The following APPL1 variants were observed in gnomAD, a reference collection of about 807,000 sequenced individuals.
APPL1 encodes the protein adaptor protein, phosphotyrosine interacting with PH domain and leucine zipper 1.
Under a neutral mutation model 106.8 loss-of-function variants are expected in APPL1, and 42 were observed. The ratio of observed to expected loss-of-function variants is 0.39; its 90% CI spans 0.31 to 0.51. APPL1 has a LOEUF of 0.51. Ranked by LOEUF, APPL1 falls within the 20% of genes least tolerant of loss-of-function variation. The probability of loss-of-function intolerance (pLI) is 0.75; values close to 1 mark genes in which losing one functional copy is unlikely to be tolerated. For synonymous variants in APPL1, 263 were observed against 281.8 expected (o/e 0.93, Z 0.67); for missense variants, 769 against 858.2 (o/e 0.90, Z 1.30).
intron 15 of APPL1, chr3:57,258,789 TG>T (rs2060850340): frequency 2.7e-6 from 1 of 366,342 alleles, no homozygotes; most frequent in Non-Finnish European, 4.9e-6. Context: ...TTTTTTGTTG[TG>T]TATGTCTAAA....
At chr3:57,252,641 T>C (rs2107605100) in intron 12 of APPL1, among the ~76,000 whole-genome samples, 2 of 152,234 alleles carry the variant, frequency 1.3e-5, no homozygotes, top group South Asian at 2.1e-4. Context: ...CACCAATCCT[T>C]TGAGACACTA....
chr3:57,245,639 G>A (rs1204321338), intron 7 of APPL1, among the ~76,000 whole-genome samples: 2 of 151,644 alleles, frequency 1.3e-5, no homozygotes, highest in South Asian at 2.1e-4. Flanking sequence ...CCCTCCCAGG[G>A]TGAAGCTATT....
At chr3:57,249,636 G>A in intron 11 of APPL1, 88 bp downstream of exon 11, 1 of 1,175,644 alleles carries the variant, frequency 8.5e-7, no homozygotes, top group Non-Finnish European at 1.2e-6. Context: ...GAAATTTTAT[G>A]GACATTTTAG....
Position 57,227,845 on chromosome 3 carries a change from G to T in APPL1, c.-39G>T, listed in dbSNP as rs958505254. 1.4e-5 allele frequency: 20 copies of T among 1,443,468 alleles called. No individual in the cohort carries two copies. Among genetic ancestry groups the T allele is most frequent in the Non-Finnish European group, 1.6e-5 (17 of 1,094,004 alleles). The allele number at this position is 1,443,468 out of a possible 1,614,324, so 89.4% of individuals were successfully genotyped here. On this transcript the variant is annotated 5_prime_UTR_variant, in exon 1 of 22. Transcript: ENST00000288266. ...CGGGCCGGCGCGGGGAGCTGTGGGC[G>T]GCAGCTGCGTCTCCTGCCACCGCCC...
At chr3:57,234,690 C>A (rs192837390) in intron 1 of APPL1, among the ~76,000 whole-genome samples, 1 of 151,860 alleles carries the variant, frequency 6.6e-6, no homozygotes. Context: ...CTTGCTTTGT[C>A]GCCCGCCCAG....
In APPL1 at chr3:57,252,328, T is replaced by C; in HGVS notation, c.1095+17T>C. Reference sequence around the variant, plus strand: ...CATGAAGAGGTAAGATTTTACCTAGTTCATTTCTTCATTGACATTTTAAAA... The same window carrying C: ...CATGAAGAGGTAAGATTTTACCTAGCTCATTTCTTCATTGACATTTTAAAA... On this transcript the variant is annotated intron_variant, in intron 12 of 21. Coordinates refer to ENST00000288266, the MANE Select transcript of APPL1 (RefSeq NM_012096.3). 6.5e-7 allele frequency: 1 copy of C among 1,535,858 alleles called. No individual in the cohort carries two copies. The highest frequency in any genetic ancestry group is 1.8e-4 in the Middle Eastern group (1 of 5,626).
At chr3:57,247,256 A>C (rs953675470) in intron 8 of APPL1, 139 bp from the exon 9 acceptor site, 2 of 557,334 alleles carry the variant, frequency 3.6e-6, no homozygotes, top group East Asian at 3.0e-5. Context: ...CACAAACTAC[A>C]ATGTATTTTT....
intron 2 of APPL1, among the ~76,000 whole-genome samples, chr3:57,235,928 C>T (rs1415430800): frequency 1.3e-5 from 2 of 152,200 alleles, no homozygotes; most frequent in African/African-American, 2.4e-5. Flanking sequence ...GGGGAACCCC[C>T]CATTAAACTC....
At chr3:57,264,799 G>C (rs1475639494) in intron 19 of APPL1, among the ~76,000 whole-genome samples, 22 of 139,512 alleles carry the variant, frequency 1.6e-4, no homozygotes, top group African/African-American at 5.9e-4. Flanking sequence ...TGGTCTATGT[G>C]TCTTTTTTTT....
At position 57,267,810 on chromosome 3, in the gene APPL1, G is replaced by A. The variant is rs1165217541; in HGVS notation, c.1893+18G>A. 3.7e-6 allele frequency: 6 copies of A among 1,612,734 alleles called. No individual in the cohort carries two copies. Among genetic ancestry groups the A allele is most frequent in the Non-Finnish European group, 5.1e-6 (6 of 1,179,906 alleles). ...CTGAACTGGTAAGAATCCAAGATGT[G>A]GCTGGGCACAGTGGTTCACACCTGT... On this transcript the variant is annotated intron_variant, in intron 20 of 21. Transcript: ENST00000288266.
chr3:57,242,999 A>G (rs2060754846), intron 7 of APPL1, 85 bp downstream of exon 7: 1 of 955,674 alleles, frequency 1.0e-6, no homozygotes, highest in African/African-American at 1.7e-5. Context: ...TAGAGCCAGC[A>G]GTTACTTTGT....
At position 57,238,079 on chromosome 3, in the gene APPL1, G is replaced by A. The variant is rs557238017; in HGVS notation, c.248G>A (p.Ser83Asn). The change falls in exon 4 of 22, where the codon AGC becomes AAC. Residue 83 changes from serine (S) to asparagine (N), a missense_variant. Physicochemically the swap from Ser to Asn is conservative, Grantham distance 46. Transcript: ENST00000288266. ...FPLGGDDEVM[S>N]STLQQFSKVI... The stretch of plus-strand genomic sequence containing the variant: ...TTGGGAGGTGATGATGAAGTTATGA[G>A]CTCTACATTGCAACAGTTTTCAAAA... 2.5e-6 allele frequency: 4 copies of A among 1,611,698 alleles called. No individual in the cohort carries two copies. The Admixed American group carries it at 6.7e-5, about 27-fold the overall frequency.
intron 13 of APPL1, among the ~76,000 whole-genome samples, chr3:57,255,648 A>G (rs1433699289): frequency 2.0e-5 from 3 of 152,234 alleles, no homozygotes; most frequent in African/African-American, 7.2e-5. Flanking sequence ...TAACATATTT[A>G]TTACAATTAT....
In APPL1 at chr3:57,271,018, A is replaced by AGT. The variant is rs1367381371; in HGVS notation, c.*1332_*1333dup. 2.0e-4 allele frequency: 30 copies of AGT among 152,150 alleles called. No homozygotes were observed. Among genetic ancestry groups the AGT allele is most frequent in the African/African-American group, 6.3e-4 (26 of 41,468 alleles). 9.4% of individuals were successfully genotyped at this position (152,150 alleles called of 1,614,324 possible). On this transcript the variant is annotated 3_prime_UTR_variant, in exon 22 of 22. Transcript: ENST00000288266. The stretch of plus-strand genomic sequence containing the variant: ...TGTTTTCATGTGTTTCACATGAAAA[A>AGT]GTATATATATACAAAGTTAATATAG...
At chr3:57,248,060 T>C (rs2107602952) in intron 9 of APPL1, 133 bp from the exon 10 acceptor site, 1 of 802,844 alleles carries the variant, frequency 1.2e-6, no homozygotes, top group East Asian at 2.7e-5. Flanking sequence ...AATATATTCG[T>C]GTTGTTTTAA....
At chr3:57,251,008 C>T (rs1168525868) in intron 11 of APPL1, among the ~76,000 whole-genome samples, 3 of 147,128 alleles carry the variant, frequency 2.0e-5, no homozygotes, top group Non-Finnish European at 4.5e-5. Flanking sequence ...GGGGTTTCAC[C>T]GTGTTAGCCA....
In APPL1 at chr3:57,271,410, A is replaced by G. The variant is rs532410704; in HGVS notation, c.*1723A>G. On this transcript the variant is annotated 3_prime_UTR_variant, in exon 22 of 22. Transcript: ENST00000288266. ...ATAAAAAGTTTATTTTGTGCTTACC[A>G]AAAGGAATGCTTTCACAATAGTGTA... 23 of 152,788 alleles carry G rather than the reference A, an allele frequency of 1.5e-4. No individual in the cohort carries two copies. Among genetic ancestry groups the G allele is most frequent in the Non-Finnish European group, 3.2e-4 (22 of 68,034 alleles). 9.5% of individuals were successfully genotyped at this position (152,788 alleles called of 1,614,324 possible). A position where few individuals can be genotyped will look rare whatever the true frequency, so the allele number is the denominator to read the frequency against.
intron 18 of APPL1, 167 bp downstream of exon 18, chr3:57,260,320 T>C (rs558499092): frequency 2.9e-5 from 20 of 691,076 alleles, no homozygotes; most frequent in Admixed American, 2.2e-4. Flanking sequence ...AAGTTGTCAT[T>C]GAACATTTTA....
intron 7 of APPL1, among the ~76,000 whole-genome samples, chr3:57,245,264 G>A (rs962665655): frequency 1.3e-5 from 2 of 152,124 alleles, no homozygotes; most frequent in African/African-American, 4.8e-5. Context: ...TACATAATAG[G>A]TATTCAATAA....
Sources: allele counts gnomAD v4.1 joint callset (sites outside exome capture counted in the v4.1 genomes callset), GRCh38; gene constraint gnomAD v4.1.1; transcripts MANE v1.5; gene names NCBI Gene and HGNC (gene_info 2026-07-23, HGNC 2026-07-21).